Variants in TP63 observed in about 807,000 individuals in gnomAD.
TP63 encodes tumor protein 63.
A neutral mutation model predicts 82.8 loss-of-function variants in TP63; 17 were observed. The observed-to-expected ratio is 0.21, with a 90% CI of 0.14 to 0.31. TP63 has a LOEUF of 0.31. TP63 is among the 10% of genes least tolerant of loss of function. The probability of loss-of-function intolerance (pLI) is 1.00; values close to 1 mark genes in which losing one functional copy is unlikely to be tolerated. For missense variants in TP63, 648 were observed against 895.3 expected (o/e 0.72, Z 3.52); for synonymous variants, 330 against 321.7 (o/e 1.03, Z -0.28).
At chr3:189,698,315 T>C (rs1717545560) in intron 1 of TP63, among the ~76,000 whole-genome samples, 1 of 152,110 alleles carries the variant, frequency 6.6e-6, no homozygotes, top group African/African-American at 2.4e-5. Flanking sequence ...TTAGTCTGTT[T>C]ATGTGAGTGA....
intron 3 of TP63, among the ~76,000 whole-genome samples, chr3:189,740,675 T>G (rs1328710690): frequency 6.6e-6 from 1 of 152,134 alleles, no homozygotes; most frequent in Non-Finnish European, 1.5e-5. Context: ...GATTTTTGTA[T>G]TTTTAGTAGA....
At chr3:189,610,823 A>G in the TP63 span, among the ~76,000 whole-genome samples, 4 of 152,118 alleles carry the variant, frequency 2.6e-5, no homozygotes, top group Admixed American at 2.0e-4. Context: ...TGTTTCATGG[A>G]CTTACTGTTC....
intron 5 of TP63, among the ~76,000 whole-genome samples, chr3:189,865,447 T>G (rs1308129421): frequency 6.6e-6 from 1 of 152,126 alleles, no homozygotes; most frequent in African/African-American, 2.4e-5. Flanking sequence ...TATAGTTCCA[T>G]GAAGGGAGAC....
intron 1 of TP63, among the ~76,000 whole-genome samples, chr3:189,689,500 A>T (rs1716744932): frequency 6.6e-6 from 1 of 152,088 alleles, no homozygotes; most frequent in Non-Finnish European, 1.5e-5. Flanking sequence ...TTAGTTGTAG[A>T]ATTTGTTCTA....
intron 1 of TP63, among the ~76,000 whole-genome samples, chr3:189,639,086 A>G (rs1264518581): frequency 6.6e-6 from 1 of 152,186 alleles, no homozygotes; most frequent in Non-Finnish European, 1.5e-5. Flanking sequence ...CAAGTTTCTG[A>G]TTAGCTATTT....
intron 4 of TP63, among the ~76,000 whole-genome samples, chr3:189,827,741 A>T (rs531169194): frequency 1.8e-3 from 272 of 152,254 alleles, no homozygotes; most frequent in Non-Finnish European, 3.1e-3. Context: ...GGCTAGAGAG[A>T]AGTCCACAGA....
intron 1 of TP63, among the ~76,000 whole-genome samples, chr3:189,672,426 C>A (rs963991394): frequency 2.6e-5 from 4 of 151,926 alleles, no homozygotes; most frequent in Non-Finnish European, 5.9e-5. Flanking sequence ...CATAGAGAGA[C>A]TTTGTCTCTA....
At chr3:189,620,410 T>C in the TP63 span, among the ~76,000 whole-genome samples, 1 of 148,998 alleles carries the variant, frequency 6.7e-6, no homozygotes, top group Non-Finnish European at 1.5e-5. Context: ...CTCGGGAGGC[T>C]GAGGCAGGAG....
At chr3:189,757,401 T>C (rs1722258797) in intron 3 of TP63, among the ~76,000 whole-genome samples, 1 of 152,198 alleles carries the variant, frequency 6.6e-6, no homozygotes, top group Admixed American at 6.5e-5. Context: ...AAGCCTCAGT[T>C]TTCTCATCTG....
intron 4 of TP63, among the ~76,000 whole-genome samples, chr3:189,859,836 G>T (rs539360300): frequency 1.3e-5 from 2 of 152,090 alleles, no homozygotes; most frequent in Non-Finnish European, 2.9e-5. Context: ...ATGCTGATAC[G>T]TGCAAAAACC....
the TP63 span, among the ~76,000 whole-genome samples, chr3:189,619,405 C>T: frequency 6.6e-6 from 1 of 152,224 alleles, no homozygotes; most frequent in East Asian, 1.9e-4. Flanking sequence ...ACTTAATGCC[C>T]CTATCTATAT....
intron 1 of TP63, among the ~76,000 whole-genome samples, chr3:189,668,290 G>GA (rs36123858): frequency 4.0e-5 from 6 of 151,864 alleles, no homozygotes; most frequent in Non-Finnish European, 4.4e-5. Context: ...GTATAAAATT[G>GA]AAAAAATTAA....
chr3:189,804,341 C>T (rs535837249), intron 3 of TP63, among the ~76,000 whole-genome samples: 2 of 152,352 alleles, frequency 1.3e-5, no homozygotes, highest in Admixed American at 6.5e-5. Flanking sequence ...CCTGGGACAG[C>T]TTCATGGGCA....
chr3:189,623,881 T>C, the TP63 span, among the ~76,000 whole-genome samples: 1 of 152,154 alleles, frequency 6.6e-6, no homozygotes, highest in Non-Finnish European at 1.5e-5. Flanking sequence ...GTTCAAAACC[T>C]AGAGTGTGCT....
the TP63 span, among the ~76,000 whole-genome samples, chr3:189,602,961 C>A: frequency 1.3e-5 from 2 of 152,136 alleles, no homozygotes; most frequent in East Asian, 3.8e-4. Context: ...CATTTATAAA[C>A]TTTTAGACTT....
intron 4 of TP63, among the ~76,000 whole-genome samples, chr3:189,847,498 G>A (rs1363556038): frequency 6.6e-6 from 1 of 152,184 alleles, no homozygotes; most frequent in Non-Finnish European, 1.5e-5. Flanking sequence ...TTCTCAGTGA[G>A]TGTCAGATAT....
intron 4 of TP63, among the ~76,000 whole-genome samples, chr3:189,841,583 A>G (rs2108743122): frequency 6.6e-6 from 1 of 152,304 alleles, no homozygotes; most frequent in South Asian, 2.1e-4. Context: ...CAAGCCACAA[A>G]TCTACCAGGA....
intron 10 of TP63, 136 bp from the exon 11 acceptor site, chr3:189,886,258 C>T (rs910478183): frequency 9.9e-7 from 1 of 1,011,330 alleles, no homozygotes; most frequent in Non-Finnish European, 1.5e-6. Context: ...AAATTAACTT[C>T]TTACCATTAA....
chr3:189,768,456 C>T lies in TP63; in HGVS notation c.324+29682C>T, dbSNP rs181373558. 1.6e-4 allele frequency among the ~76,000 whole-genome samples: 25 copies of T among 152,184 alleles called. No homozygotes were observed. In the East Asian group the frequency reaches 4.3e-3, roughly 26 times the overall value. ...CTTTTAAAATATCTCGAATCACAAA[C>T]GTAGGTAGTTGCATGTTACTTTTTA... On this transcript the variant is annotated intron_variant, in intron 3 of 13. Coordinates refer to ENST00000264731, the MANE Select transcript of TP63 (RefSeq NM_003722.5).
Sources: gnomAD v4.1 joint callset for allele counts (sites outside exome capture counted in the v4.1 genomes callset) on GRCh38, gnomAD v4.1.1 for gene constraint, MANE v1.5 for transcripts, NCBI Gene and HGNC (gene_info 2026-07-23, HGNC 2026-07-21) for gene names.